The following ANKRD45 variants were observed in gnomAD, a reference collection of about 807,000 sequenced individuals.
ANKRD45 encodes the protein ankyrin repeat domain 45.
A neutral mutation model predicts 28.1 loss-of-function variants in ANKRD45; 21 were observed. The observed-to-expected ratio is 0.75, with a 90% CI of 0.53 to 1.08. ANKRD45 has a LOEUF of 1.08. Among genes scored for constraint, ANKRD45 ranks in the 50% least tolerant of loss-of-function variants. The pLI is 0.00. For missense variants in ANKRD45, 261 were observed against 308.7 expected (o/e 0.85, Z 1.16); for synonymous variants, 86 against 103.9 (o/e 0.83, Z 1.05).
intron 2 of ANKRD45, among the ~76,000 whole-genome samples, chr1:173,648,917 T>A (rs1669053414): frequency 6.6e-6 from 1 of 152,218 alleles, no homozygotes; most frequent in Admixed American, 6.5e-5. Context: ...TTTGCCCAAG[T>A]CACATAGTCA....
rs761879720 is a variant in ANKRD45, at chr1:173,610,213, G to A, written c.733C>T (p.Gln245Ter). ...PIFTKMTTPC[Q>*]VKSAKSVTSH... ...GTTACAGATTTGGCACTTTTCACTTGACCTGAAAGGAAACAGATTTTAAAA... is the reference window on the plus strand; with the variant it reads ...GTTACAGATTTGGCACTTTTCACTTAACCTGAAAGGAAACAGATTTTAAAA... Residue 245 changes from glutamine to a stop codon, truncating the protein, a stop_gained and splice_region_variant, in exon 6 of 6, where the codon CAA (glutamine) becomes TAA (stop). Transcript: ENST00000333279. LOFTEE classifies it high-confidence loss of function. 17 of 1,613,558 alleles carry A rather than the reference G, an allele frequency of 1.1e-5. No homozygotes were observed. In the East Asian group the frequency reaches 1.1e-4, roughly 11 times the overall value.
intron 3 of ANKRD45, among the ~76,000 whole-genome samples, chr1:173,636,207 AG>A (rs1481568271): frequency 3.3e-5 from 5 of 152,192 alleles, no homozygotes; most frequent in Non-Finnish European, 4.4e-5. Flanking sequence ...ATCTGTAACA[AG>A]AGATCTCTTA....
the ANKRD45 span, among the ~76,000 whole-genome samples, chr1:173,705,996 G>A: frequency 3.3e-5 from 5 of 152,124 alleles, no homozygotes; most frequent in Non-Finnish European, 5.9e-5. Context: ...CAACATGCCT[G>A]AAGAGTATGC....
At chr1:173,613,281 C>T (rs974612272) in intron 5 of ANKRD45, among the ~76,000 whole-genome samples, 3 of 151,776 alleles carry the variant, frequency 2.0e-5, no homozygotes, top group African/African-American at 7.3e-5. Context: ...TGCCCGGCCG[C>T]CCCGTCTGAG....
At chr1:173,682,684 T>TACACACACAC in the ANKRD45 span, among the ~76,000 whole-genome samples, 3,102 of 143,988 alleles carry the variant, frequency 0.022, 133 homozygotes, top group African/African-American at 0.076. Context: ...GCCTTTTAAA[T>TACACACACAC]ACACACACAC....
At chr1:173,703,960 G>T in the ANKRD45 span, among the ~76,000 whole-genome samples, 420 of 152,380 alleles carry the variant, frequency 2.8e-3, 2 homozygotes, top group African/African-American at 8.3e-3. Context: ...TAGCACAGCT[G>T]CCCTACAAAC....
At chr1:173,683,043 C>T in the ANKRD45 span, among the ~76,000 whole-genome samples, 1 of 151,930 alleles carries the variant, frequency 6.6e-6, no homozygotes, top group African/African-American at 2.4e-5. Flanking sequence ...TAATTTGGAA[C>T]TTCCCTTCGG....
chr1:173,705,679 A>G, the ANKRD45 span, among the ~76,000 whole-genome samples: 5 of 151,966 alleles, frequency 3.3e-5, no homozygotes, highest in Non-Finnish European at 7.4e-5. Context: ...AAAAAATTAA[A>G]TAAATAAAAA....
chr1:173,694,440 A>G, the ANKRD45 span, among the ~76,000 whole-genome samples: 3 of 152,052 alleles, frequency 2.0e-5, no homozygotes, highest in African/African-American at 7.2e-5. Flanking sequence ...CTGGGATTAC[A>G]AGCGTGAATC....
chr1:173,657,463 G>C (rs1669581174), intron 2 of ANKRD45: 1 of 157,786 alleles, frequency 6.3e-6, no homozygotes, highest in South Asian at 1.5e-4. Context: ...ACAAGACTCT[G>C]TCTCAAGAAA....
At chr1:173,698,699 TG>T in the ANKRD45 span, among the ~76,000 whole-genome samples, 1 of 152,150 alleles carries the variant, frequency 6.6e-6, no homozygotes, top group South Asian at 2.1e-4. Context: ...TAGCAATAAA[TG>T]CCCACAAGAG....
chr1:173,643,357 G>A (rs941567706), intron 3 of ANKRD45, among the ~76,000 whole-genome samples: 1 of 151,370 alleles, frequency 6.6e-6, no homozygotes, highest in African/African-American at 2.4e-5. Context: ...TATTTTTAGT[G>A]GAGATGGGGT....
At chr1:173,679,897 T>G in the ANKRD45 span, among the ~76,000 whole-genome samples, 1 of 152,198 alleles carries the variant, frequency 6.6e-6, no homozygotes, top group Non-Finnish European at 1.5e-5. Context: ...CAGACACTTT[T>G]CAAAAGAAGA....
intron 1 of ANKRD45, among the ~76,000 whole-genome samples, chr1:173,663,648 A>C (rs1403014117): frequency 6.6e-6 from 1 of 152,214 alleles, no homozygotes; most frequent in Non-Finnish European, 1.5e-5. Context: ...TCAGATATAT[A>C]GACTGCAAAT....
the ANKRD45 span, among the ~76,000 whole-genome samples, chr1:173,691,007 G>A: frequency 6.6e-6 from 1 of 152,176 alleles, no homozygotes; most frequent in African/African-American, 2.4e-5. Flanking sequence ...ATGGAGGTTT[G>A]TGTGAGGTTC....
At position 173,609,303 on chromosome 1, in the gene ANKRD45, G is replaced by A. The variant is rs2102302399; in HGVS notation, c.*842C>T. On this transcript the variant is annotated 3_prime_UTR_variant, in exon 6 of 6. Transcript: ENST00000333279. ...AGCTTTCAGAACAGGACAAAGAAGA[G>A]AAAGCCATAAGAACGAACAATAAGT... is the stretch of plus-strand genomic sequence containing the variant. Among the ~76,000 whole-genome samples the A allele has an allele frequency of 6.6e-6, 1 of 152,258 alleles. No homozygotes were observed. The highest frequency in any genetic ancestry group is 2.4e-5 in the African/African-American group (1 of 41,544).
the ANKRD45 span, among the ~76,000 whole-genome samples, chr1:173,682,375 T>C: frequency 6.6e-6 from 1 of 152,028 alleles, no homozygotes; most frequent in African/African-American, 2.4e-5. Flanking sequence ...TCAGGTAACA[T>C]AATACAAAAG....
chr1:173,642,866 C>T (rs565010665), intron 3 of ANKRD45, among the ~76,000 whole-genome samples: 130 of 152,310 alleles, frequency 8.5e-4, no homozygotes, highest in African/African-American at 2.7e-3. Flanking sequence ...GACACAGCAG[C>T]AGGGTGGATG....
At chr1:173,678,404 T>A in the ANKRD45 span, among the ~76,000 whole-genome samples, 3 of 152,182 alleles carry the variant, frequency 2.0e-5, no homozygotes, top group Admixed American at 6.6e-5. Flanking sequence ...CAAGCCTGGT[T>A]CAACATACGC....
Sources: allele counts gnomAD v4.1 joint callset (sites outside exome capture counted in the v4.1 genomes callset), GRCh38; gene constraint gnomAD v4.1.1; transcripts MANE v1.5; gene names NCBI Gene and HGNC (gene_info 2026-07-23, HGNC 2026-07-21).